CHRNB4: variants seen among roughly 807,000 people sequenced by gnomAD.
The protein encoded by CHRNB4 is neuronal acetylcholine receptor subunit beta-4.
In CHRNB4, 23 loss-of-function variants were observed where a neutral mutation model predicts 40.4. The ratio of observed to expected loss-of-function variants is 0.57; its 90% confidence interval spans 0.41 to 0.81. CHRNB4 has a LOEUF of 0.81. CHRNB4 is among the 30% of genes least tolerant of loss of function. CHRNB4 has a pLI of 0.00. For missense variants in CHRNB4, 568 were observed against 670.6 expected, an observed-to-expected ratio of 0.85 and a Z score of 1.69; for synonymous variants, 285 against 274.4, an observed-to-expected ratio of 1.04 and a Z score of -0.38.
rs1274535496 is a variant in CHRNB4, at chr15:78,632,171, C to CTCTTTCTTTCTTTCTT, written c.205-855_205-840dup. ...TTTCTGTCTTTCTTTTCTTTTCTTT[C>CTCTTTCTTTCTTTCTT]TCTTTCTTTCTTTCTTTCTTTCTTT... is the stretch of plus-strand genomic sequence containing the variant. On this transcript the variant is annotated intron_variant, in intron 2 of 5. Coordinates refer to ENST00000261751, the MANE Select transcript of CHRNB4 (RefSeq NM_000750.5). Among the ~76,000 whole-genome samples, 11 of 4,448 alleles carry CTCTTTCTTTCTTTCTT rather than the reference C, an allele frequency of 2.5e-3. 1 individual carries two copies. Among genetic ancestry groups the CTCTTTCTTTCTTTCTT allele is most frequent in the African/African-American group, 2.6e-3 (10 of 3,868 alleles). The allele number at this position is 4,448 out of a possible 152,430, so 2.9% of individuals were successfully genotyped here.
At chr15:78,636,816 T>C (rs1349028013) in intron 1 of CHRNB4, among the ~76,000 whole-genome samples, 1 of 152,196 alleles carries the variant, frequency 6.6e-6, no homozygotes, top group East Asian at 1.9e-4. Context: ...TTATGAATTA[T>C]CTGAGGGTCT....
chr15:78,647,460 T>A (rs1366647634), intron 7 of CHRNB4, among the ~76,000 whole-genome samples: 2 of 151,808 alleles, frequency 1.3e-5, no homozygotes, highest in African/African-American at 4.8e-5. Flanking sequence ...GGAAGAGGTT[T>A]ACCATGGATA....
chr15:78,649,682 G>A (rs2054155474), intron 6 of CHRNB4, among the ~76,000 whole-genome samples: 1 of 152,028 alleles, frequency 6.6e-6, no homozygotes, highest in South Asian at 2.1e-4. Flanking sequence ...TAACATACGT[G>A]GACATATACA....
chr15:78,647,319 A>T (rs2054130238), intron 7 of CHRNB4, among the ~76,000 whole-genome samples: 1 of 151,790 alleles, frequency 6.6e-6, no homozygotes. Context: ...ATATTTAAGG[A>T]ATTATATATA....
chr15:78,647,491 A>G (rs553884660), intron 7 of CHRNB4, among the ~76,000 whole-genome samples: 1 of 151,992 alleles, frequency 6.6e-6, no homozygotes, highest in South Asian at 2.1e-4. Flanking sequence ...GAATGGACAC[A>G]GAAGTGATAA....
chr15:78,624,344 G>A lies in CHRNB4; in HGVS notation c.*789C>T, dbSNP rs1347215481. On this transcript the variant is annotated 3_prime_UTR_variant, in exon 6 of 6. Transcript: ENST00000261751. ...AGGGAGGCTGCTTTAGAATGATTGG[G>A]TGGTTAGGGAAGGCCTCTCAGAGGA... The A allele has an allele frequency of 2.0e-5, 3 of 152,482 alleles. No individual in the cohort carries two copies. Among genetic ancestry groups the A allele is most frequent in the Admixed American group, 2.0e-4 (3 of 15,280 alleles). The allele number at this position is 152,482 out of a possible 1,614,324, so 9.4% of individuals were successfully genotyped here.
intron 2 of CHRNB4, among the ~76,000 whole-genome samples, chr15:78,633,331 C>A (rs944926330): frequency 6.6e-6 from 1 of 152,224 alleles, no homozygotes; most frequent in Non-Finnish European, 1.5e-5. Flanking sequence ...CTCATGTTAA[C>A]ACTTTAGACA....
Position 78,640,662 on chromosome 15 carries a change from A to T in CHRNB4, c.55+417T>A, listed in dbSNP as rs1596117847. On this transcript the variant is annotated intron_variant, in intron 1 of 5. Transcript: ENST00000261751. ...CCAGGTGGCCGGCTCCTCTGCACCC[A>T]CGCTTCAAGAAAGTCACCTCTTAGG... 2.0e-5 allele frequency among the ~76,000 whole-genome samples: 3 copies of T among 152,098 alleles called. No individual in the cohort carries two copies. In the East Asian group the frequency reaches 5.8e-4, roughly 29 times the overall value.
At chr15:78,639,952 A>G (rs971951301) in intron 1 of CHRNB4, among the ~76,000 whole-genome samples, 1 of 152,232 alleles carries the variant, frequency 6.6e-6, no homozygotes, top group Non-Finnish European at 1.5e-5. Context: ...GACTGCCTGC[A>G]GACACCATCT....
At chr15:78,644,645 C>T (rs764873562), upstream of CHRNB4, among the ~76,000 whole-genome samples, 3 of 152,182 alleles carry the variant, frequency 2.0e-5, no homozygotes, top group African/African-American at 4.8e-5. Flanking sequence ...TACAAAAATA[C>T]TCAGGAAGAG....
rs1047569678 is a variant in CHRNB4 at position 78,629,435 on chromosome 15, G to A, written c.870C>T (p.Leu290=). 38 of 1,614,006 alleles carry A rather than the reference G, an allele frequency of 2.4e-5. No individual in the cohort carries two copies. Among genetic ancestry groups the A allele is most frequent in the South Asian group, 3.3e-5 (3 of 91,090 alleles). The change falls in exon 5 of 6, where the codon CTC becomes CTT. Residue 290 remains leucine, a synonymous_variant. Coordinates refer to ENST00000261751, the MANE Select transcript of CHRNB4 (RefSeq NM_000750.5). The surrounding 1 kb of genome is among the most constrained non-coding windows in gnomAD (Gnocchi z 6.8). ...GGTACTTGCCGATGAGAGGCACATCGAGGGAGGTGGGTGGCACGATCTTGG... is the reference window on the plus strand; with the variant it reads ...GGTACTTGCCGATGAGAGGCACATCAAGGGAGGTGGGTGGCACGATCTTGG... ...LISKIVPPTS[L]DVPLIGKYLM... is the part of the protein sequence containing the mutation.
intron 4 of CHRNB4, among the ~76,000 whole-genome samples, chr15:78,630,615 GGTCT>G: frequency 6.6e-6 from 1 of 152,160 alleles, no homozygotes; most frequent in East Asian, 1.9e-4. Context: ...TTTGAACTCA[GGTCT>G]GTCTGTCCCC....
intron 1 of CHRNB4, 99 bp from the exon 2 acceptor site, chr15:78,635,686 T>A: frequency 6.6e-7 from 1 of 1,525,964 alleles, no homozygotes; most frequent in Non-Finnish European, 8.9e-7. Flanking sequence ...ACAGGTGCCC[T>A]TAGGGCTGGC....
intron 5 of CHRNB4, chr15:78,626,911 G>A (rs1373671503): frequency 1.3e-5 from 2 of 152,298 alleles, no homozygotes; most frequent in Non-Finnish European, 2.9e-5. Context: ...GAGTGCCAAG[G>A]GGGTGGTGAG....
intron 1 of CHRNB4, chr15:78,658,457 A>T (rs573192314): frequency 1.3e-5 from 2 of 152,338 alleles, no homozygotes; most frequent in South Asian, 4.1e-4. Context: ...TTTTATAGAT[A>T]AGAAATCTGG....
At chr15:78,652,529 C>T (rs2054181836) in intron 6 of CHRNB4, 1 of 152,420 alleles carries the variant, frequency 6.6e-6, no homozygotes, top group South Asian at 2.1e-4. Flanking sequence ...CATCTGAGGC[C>T]TCATCATCTG....
At chr15:78,643,218 G>A (rs969101448), upstream of CHRNB4, among the ~76,000 whole-genome samples, 2 of 151,782 alleles carry the variant, frequency 1.3e-5, no homozygotes, top group African/African-American at 4.9e-5. Flanking sequence ...AATAACGTAA[G>A]GGCAGAGTCA....
intron 7 of CHRNB4, among the ~76,000 whole-genome samples, chr15:78,647,151 A>G (rs1401861975): frequency 6.6e-6 from 1 of 152,228 alleles, no homozygotes; most frequent in Non-Finnish European, 1.5e-5. Flanking sequence ...AGAAAAAAAT[A>G]TTAAAAGCAT....
In CHRNB4 at chr15:78,632,249, C is replaced by T. The variant is rs62010820; in HGVS notation, c.205-917G>A. On this transcript the variant is annotated intron_variant, in intron 2 of 5. Coordinates refer to ENST00000261751, the MANE Select transcript of CHRNB4 (RefSeq NM_000750.5). ...TCTCTCTCTCTCTCTCTCTCTCTCTCTCTCTCTTTCTTTCTTTCTTTCTTT... is the reference window on the plus strand; with the variant it reads ...TCTCTCTCTCTCTCTCTCTCTCTCTTTCTCTCTTTCTTTCTTTCTTTCTTT... 1.2e-3 allele frequency among the ~76,000 whole-genome samples: 107 copies of T among 87,026 alleles called. 2 individuals are homozygous for T. Among genetic ancestry groups the T allele is most frequent in the African/African-American group, 4.8e-3 (60 of 12,482 alleles). The allele number at this position is 87,026 out of a possible 152,430, so 57.1% of individuals were successfully genotyped here.
Sources: gnomAD v4.1 joint callset for allele counts (sites outside exome capture counted in the v4.1 genomes callset) on GRCh38, gnomAD v4.1.1 for gene constraint, Gnocchi (gnomAD v3.1) non-coding constraint, MANE v1.5 for transcripts, NCBI Gene and HGNC (gene_info 2026-07-23, HGNC 2026-07-21) for gene names.